Variants in TJP1 observed in about 807,000 individuals in gnomAD.
TJP1 encodes tight junction protein ZO-1.
In TJP1, 43 loss-of-function variants were observed where a neutral mutation model predicts 194.2. That is an observed-to-expected ratio of 0.22 (90% confidence interval 0.17 to 0.29). The LOEUF is 0.29. Among genes scored for constraint, TJP1 ranks in the 10% least tolerant of loss-of-function variants. The pLI is 1.00. For synonymous variants in TJP1, 801 were observed against 779.0 expected, an observed-to-expected ratio of 1.03 and a Z score of -0.47; for missense variants, 1,971 against 2,185.7, an observed-to-expected ratio of 0.90 and a Z score of 1.96.
chr15:29,760,229 G>A, intron 8 of TJP1: 2 of 702,300 alleles, frequency 2.8e-6, no homozygotes, highest in Non-Finnish European at 5.2e-6. Context: ...GTATGCAATT[G>A]CTGCGTGTAT....
chr15:29,761,236 C>T lies in TJP1; in HGVS notation c.913G>A (p.Asp305Asn), dbSNP rs199621287. The change falls in exon 8 of 28, where the codon GAT (aspartate) becomes AAT (asparagine). Residue 305 changes from aspartate to asparagine, a missense_variant. Around this residue, in one of 5 missense-constraint regions of TJP1, gnomAD observed 192 missense variants for 182.3 expected, o/e 1.05. Coordinates refer to ENST00000614355, the MANE Select transcript of TJP1 (RefSeq NM_001330239.4). ...LASDHSGRSH[D>N]RPPRRSRSRS... ...GACCGGCTGCGGCGGGGAGGCCTATCGTGTGATCGACCAGAATGATCTGAT... is the reference window on the plus strand; with the variant it reads ...GACCGGCTGCGGCGGGGAGGCCTATTGTGTGATCGACCAGAATGATCTGAT... 36 of 1,614,016 alleles carry T rather than the reference C, an allele frequency of 2.2e-5. No homozygotes were observed. In the African/African-American group the frequency reaches 2.7e-4, roughly 12 times the overall value.
At chr15:29,763,385 T>G (rs1351852090) in intron 5 of TJP1, among the ~76,000 whole-genome samples, 2 of 152,152 alleles carry the variant, frequency 1.3e-5, no homozygotes, top group African/African-American at 4.8e-5. Flanking sequence ...TCTTACTGCA[T>G]TAAAAACAAA....
chr15:29,882,703 A>C (rs1227496793), intron 2 of TJP1, among the ~76,000 whole-genome samples: 1 of 152,194 alleles, frequency 6.6e-6, no homozygotes, highest in South Asian at 2.1e-4. Context: ...ACCCTCCCCA[A>C]ACGAAGAGCC....
chr15:29,815,679 G>C (rs77585102), intron 1 of TJP1, among the ~76,000 whole-genome samples: 3 of 152,136 alleles, frequency 2.0e-5, no homozygotes, highest in African/African-American at 7.2e-5. Flanking sequence ...ATCATATCAG[G>C]GGTATGTCAA....
chr15:29,930,729 A>G (rs1438382769), intron 2 of TJP1, among the ~76,000 whole-genome samples: 2 of 151,522 alleles, frequency 1.3e-5, no homozygotes, highest in Non-Finnish European at 2.9e-5. Flanking sequence ...AGTGCCTGAC[A>G]TGGAAGTAAG....
intron 2 of TJP1, among the ~76,000 whole-genome samples, chr15:29,949,615 C>T (rs576347252): frequency 0.021 from 2,292 of 107,294 alleles, 83 homozygotes; most frequent in African/African-American, 0.082. Context: ...CCACCTTCAC[C>T]ACCACCACCT....
chr15:29,729,432 T>A (rs1213337455), intron 15 of TJP1: 1 of 152,178 alleles, frequency 6.6e-6, no homozygotes, highest in Admixed American at 6.5e-5. Context: ...AATATCCTTA[T>A]TCAACTTCAT....
intron 2 of TJP1, among the ~76,000 whole-genome samples, chr15:29,775,896 G>A (rs142164279): frequency 3.3e-5 from 5 of 152,196 alleles, no homozygotes; most frequent in Admixed American, 6.5e-5. Flanking sequence ...CAAAATTTAT[G>A]AGGGAATTAT....
Position 29,864,237 on chromosome 15 carries a change from C to CAAAAAAAAAAAAAAAAAAAAAAAAAAA in TJP1, c.307-63562_307-63536dup, listed in dbSNP as rs397975539. Among the ~76,000 whole-genome samples the CAAAAAAAAAAAAAAAAAAAAAAAAAAA allele has an allele frequency of 4.2e-4, 8 of 18,940 alleles. 3 individuals are homozygous for CAAAAAAAAAAAAAAAAAAAAAAAAAAA. Among genetic ancestry groups the CAAAAAAAAAAAAAAAAAAAAAAAAAAA allele is most frequent in the South Asian group, 7.6e-3 (2 of 264 alleles). The allele number at this position is 18,940 out of a possible 152,430, so 12.4% of individuals were successfully genotyped here. ...TGAAACCCCGTCTCTACTAAAAATACAAAAAAAAAAAAAAAAAAAAAAAAA... is the reference window on the plus strand; with the variant it reads ...TGAAACCCCGTCTCTACTAAAAATACAAAAAAAAAAAAAAAAAAAAAAAAAAAAAAAAAAAAAAAAAAAAAAAAAAAA... On this transcript the variant is annotated intron_variant, in intron 2 of 28. Transcript: ENST00000356107.
intron 8 of TJP1, chr15:29,760,327 AG>A (rs2045919204): frequency 1.4e-6 from 1 of 698,270 alleles, no homozygotes; most frequent in Non-Finnish European, 2.6e-6. Flanking sequence ...AGATAAACTC[AG>A]GTAGGTCATA....
intron 2 of TJP1, among the ~76,000 whole-genome samples, chr15:29,918,031 CTA>C (rs1309068234): frequency 1.3e-5 from 2 of 152,204 alleles, no homozygotes; most frequent in Non-Finnish European, 2.9e-5. Flanking sequence ...ACTTTCTTCT[CTA>C]TGACTCTGTC....
At chr15:29,767,133 G>C (rs913616104) in intron 4 of TJP1, among the ~76,000 whole-genome samples, 3 of 152,180 alleles carry the variant, frequency 2.0e-5, no homozygotes, top group Non-Finnish European at 2.9e-5. Flanking sequence ...TCCCAGTCTA[G>C]GTGCAAATTC....
chr15:29,770,471 C>T (rs1033266758), intron 4 of TJP1, among the ~76,000 whole-genome samples: 2 of 150,606 alleles, frequency 1.3e-5, no homozygotes, highest in Non-Finnish European at 3.0e-5. Flanking sequence ...TTTGGGAGGC[C>T]GAGGCGGGGC....
At chr15:29,850,231 G>C (rs533633391) in intron 2 of TJP1, among the ~76,000 whole-genome samples, 1 of 152,342 alleles carries the variant, frequency 6.6e-6, no homozygotes, top group African/African-American at 2.4e-5. Context: ...AACTTCACAA[G>C]AAGTGCTGAA....
In TJP1 at chr15:29,726,823, G is replaced by C. The variant is rs1192699366; in HGVS notation, c.2269C>G (p.Arg757Gly). 1.9e-5 allele frequency: 30 copies of C among 1,613,862 alleles called. No homozygotes were observed. The highest frequency in any genetic ancestry group is 2.4e-5 in the Non-Finnish European group (28 of 1,179,994). Reference sequence around the variant, plus strand: ...TTATTTTTACGAAGTTTATGAGATCGCTCGTATAACTTCCTGGCACTTTTC... The same window carrying C: ...TTATTTTTACGAAGTTTATGAGATCCCTCGTATAACTTCCTGGCACTTTTC... ...SRKSARKLYERSHKLRKNNHH... is the reference protein window; with the variant it reads ...SRKSARKLYEGSHKLRKNNHH... The change falls in exon 17 of 28, where the codon CGA (arginine) becomes GGA (glycine). Residue 757 changes from arginine to glycine, a missense_variant. Physicochemically the swap from Arg to Gly is moderately radical, Grantham distance 125 (BLOSUM62 -2). Around this residue, in one of 5 missense-constraint regions of TJP1, gnomAD observed 402 missense variants for 484.2 expected, o/e 0.83. Coordinates refer to ENST00000614355, the MANE Select transcript of TJP1 (RefSeq NM_001330239.4).
At chr15:29,965,191 ATTT>A (rs1404286482) in intron 1 of TJP1, among the ~76,000 whole-genome samples, 4 of 6,342 alleles carry the variant, frequency 6.3e-4, no homozygotes, top group African/African-American at 1.0e-3. Context: ...CCTCACATTT[ATTT>A]ATTTATTTAT....
At chr15:29,898,378 A>G (rs547586012) in intron 2 of TJP1, among the ~76,000 whole-genome samples, 1 of 152,220 alleles carries the variant, frequency 6.6e-6, no homozygotes, top group Non-Finnish European at 1.5e-5. Context: ...TTTCTTTCCT[A>G]AATTGCCCAG....
At chr15:29,902,182 G>T (rs368996366) in intron 2 of TJP1, among the ~76,000 whole-genome samples, 1 of 151,838 alleles carries the variant, frequency 6.6e-6, no homozygotes, top group Non-Finnish European at 1.5e-5. Flanking sequence ...TATTTTGTGA[G>T]AAAACTGGAA....
In TJP1 at chr15:29,785,178, C is replaced by G. The variant is rs549317830; in HGVS notation, c.85-11821G>C. On this transcript the variant is annotated intron_variant, in intron 2 of 27. Transcript: ENST00000614355. ...CTTCTGGGGATGGAAGAAAGAGCATCAAAGACTTGCCGTATTTCAAACTTT... is the reference window on the plus strand; with the variant it reads ...CTTCTGGGGATGGAAGAAAGAGCATGAAAGACTTGCCGTATTTCAAACTTT... 5.3e-5 allele frequency among the ~76,000 whole-genome samples: 8 copies of G among 152,260 alleles called. No individual in the cohort carries two copies. The South Asian group carries it at 1.7e-3, about 32-fold the overall frequency.
Sources: allele counts gnomAD v4.1 joint callset (sites outside exome capture counted in the v4.1 genomes callset), GRCh38; gene constraint gnomAD v4.1.1; regional missense constraint gnomAD v4.1.1; transcripts MANE v1.5; gene names NCBI Gene and HGNC (gene_info 2026-07-23, HGNC 2026-07-21).